ADGRG4: variants seen among roughly 807,000 people sequenced by gnomAD.
The protein encoded by ADGRG4 is adhesion G protein-coupled receptor G4.
ADGRG4 carries 122 observed loss-of-function variants against 126.2 expected under a neutral mutation model. The observed-to-expected ratio is 0.97, with a 90% CI of 0.83 to 1.12. The LOEUF (loss-of-function observed/expected upper bound fraction) is 1.12. ADGRG4 is among the 50% of genes most tolerant of loss of function. The probability of loss-of-function intolerance (pLI) is 0.00; values close to 1 mark genes in which losing one functional copy is unlikely to be tolerated. For missense variants in ADGRG4, 2,481 were observed against 2,251.8 expected (o/e 1.10, Z -2.06); for synonymous variants, 943 against 838.7 (o/e 1.12, Z -2.15).
chrX:136,329,740 G>A (rs1259055892), intron 5 of ADGRG4, among the ~76,000 whole-genome samples: 3 of 108,353 alleles, frequency 2.8e-5, no homozygotes, highest in Admixed American at 9.9e-5. Context: ...TGCAATCAGA[G>A]CTCCTCACTG....
intron 11 of ADGRG4, among the ~76,000 whole-genome samples, chrX:136,360,019 AAC>A (rs1450762109): frequency 9.0e-6 from 1 of 111,725 alleles, no homozygotes; most frequent in Admixed American, 9.5e-5. Flanking sequence ...AATGCCAGAT[AAC>A]ACACACAGGC....
chrX:136,317,499 C>CAAAAAAAAAAAAAAAAAAA (rs35736381), intron 4 of ADGRG4, among the ~76,000 whole-genome samples: 1 of 40,650 alleles, frequency 2.5e-5, no homozygotes, highest in African/African-American at 1.0e-4. Context: ...GACTCCATCT[C>CAAAAAAAAAAAAAAAAAAA]AAAAAAAAAA....
In ADGRG4 at chrX:136,350,056, C is replaced by A; in HGVS notation, c.6350C>A (p.Pro2117His). The change falls in exon 6 of 26, where the codon CCC becomes CAC. Residue 2117 changes from proline (P) to histidine (H), a missense_variant. Pro to His is a moderately conservative substitution (Grantham distance 77). Coordinates refer to ENST00000394143, the MANE Select transcript of ADGRG4 (RefSeq NM_153834.4). ...ASSRTTITAN[P>H]RTVSHPSSFS... ...TCCAGAACCACAATAACTGCCAACC[C>A]CAGGACTGTGTCTCATCCTTCATCC... 2 of 1,210,961 alleles carry A rather than the reference C, an allele frequency of 1.7e-6. No homozygotes were observed. The highest frequency in any genetic ancestry group is 2.2e-6 in the Non-Finnish European group (2 of 895,010).
chrX:136,306,901 A>G (rs1181755312), intron 3 of ADGRG4, among the ~76,000 whole-genome samples: 1 of 110,638 alleles, frequency 9.0e-6, no homozygotes, highest in African/African-American at 3.3e-5. Flanking sequence ...TTTAGTAGAG[A>G]CAGGGTTTCA....
intron 5 of ADGRG4, among the ~76,000 whole-genome samples, chrX:136,329,724 C>G: frequency 9.4e-6 from 1 of 106,749 alleles, no homozygotes; most frequent in East Asian, 2.9e-4. Context: ...GGATGTAGTG[C>G]AGTGGTGCAA....
At chrX:136,367,243 C>G (rs1474936947) in intron 13 of ADGRG4, among the ~76,000 whole-genome samples, 1 of 112,128 alleles carries the variant, frequency 8.9e-6, no homozygotes, top group Non-Finnish European at 1.9e-5. Context: ...CTTCTCAGAC[C>G]TGTTTTCCTT....
chrX:136,326,944 A>G (rs2074877009), intron 5 of ADGRG4, among the ~76,000 whole-genome samples: 1 of 110,670 alleles, frequency 9.0e-6, no homozygotes, highest in African/African-American at 3.3e-5. Flanking sequence ...TGCCTGAAAA[A>G]CATGAACCCT....
intron 13 of ADGRG4, among the ~76,000 whole-genome samples, chrX:136,370,595 GTATT>G (rs769399904): frequency 8.9e-6 from 1 of 112,037 alleles, no homozygotes; most frequent in East Asian, 2.8e-4. Flanking sequence ...ACATACTAAA[GTATT>G]TATGGATAAA....
intron 4 of ADGRG4, among the ~76,000 whole-genome samples, chrX:136,319,431 G>A (rs1200948504): frequency 8.9e-6 from 1 of 112,211 alleles, no homozygotes; most frequent in Non-Finnish European, 1.9e-5. Flanking sequence ...CTATGAGGTA[G>A]GCAGTTATTA....
At chrX:136,331,909 C>CG (rs1454007347) in intron 5 of ADGRG4, among the ~76,000 whole-genome samples, 8 of 107,420 alleles carry the variant, frequency 7.4e-5, no homozygotes, top group African/African-American at 1.7e-4. Flanking sequence ...CTCCGCCTCC[C>CG]GGGGTCACAC....
intron 12 of ADGRG4, among the ~76,000 whole-genome samples, chrX:136,362,421 G>A: frequency 9.0e-6 from 1 of 111,274 alleles, no homozygotes; most frequent in Non-Finnish European, 1.9e-5. Flanking sequence ...TAACTTAACA[G>A]TATCCCTTAC....
intron 11 of ADGRG4, among the ~76,000 whole-genome samples, chrX:136,360,518 G>A (rs1322923116): frequency 9.0e-6 from 1 of 111,096 alleles, no homozygotes; most frequent in African/African-American, 3.3e-5. Context: ...TGAGGCAGGA[G>A]GATCACTTAA....
At chrX:136,313,973 T>C (rs1388492697) in intron 4 of ADGRG4, among the ~76,000 whole-genome samples, 2 of 111,550 alleles carry the variant, frequency 1.8e-5, no homozygotes, top group African/African-American at 6.5e-5. Context: ...TTATGCAAAC[T>C]TAGGGGCTAT....
At chrX:136,396,920 C>T (rs1002747627) in intron 19 of ADGRG4, among the ~76,000 whole-genome samples, 4 of 109,474 alleles carry the variant, frequency 3.7e-5, no homozygotes, top group Non-Finnish European at 5.7e-5. Context: ...TCCCCAGTAG[C>T]TGGGATTACA....
intron 4 of ADGRG4, among the ~76,000 whole-genome samples, chrX:136,316,522 C>T (rs2074805762): frequency 8.9e-6 from 1 of 111,858 alleles, no homozygotes; most frequent in Non-Finnish European, 1.9e-5. Context: ...GGCTGGAGTA[C>T]AGTGGCGTGA....
At chrX:136,375,547 A>T (rs1427553919) in intron 15 of ADGRG4, among the ~76,000 whole-genome samples, 1 of 111,726 alleles carries the variant, frequency 9.0e-6, no homozygotes, top group Non-Finnish European at 1.9e-5. Context: ...GCCAACATCT[A>T]TTGTTTTTTG....
intron 9 of ADGRG4, 49 bp downstream of exon 9, chrX:136,356,214 A>G (rs377299269): frequency 7.9e-6 from 7 of 886,472 alleles, no homozygotes; most frequent in Non-Finnish European, 1.1e-5. Context: ...CCTATGCCTG[A>G]TTAGATGTAA....
At chrX:136,312,989 T>A (rs1338308249) in intron 4 of ADGRG4, among the ~76,000 whole-genome samples, 2 of 112,643 alleles carry the variant, frequency 1.8e-5, no homozygotes, top group Non-Finnish European at 3.7e-5. Flanking sequence ...CATCAGCAGT[T>A]CATTTATTTT....
chrX:136,326,050 C>G (rs766370668), intron 5 of ADGRG4, among the ~76,000 whole-genome samples: 4 of 112,308 alleles, frequency 3.6e-5, no homozygotes, highest in Non-Finnish European at 5.6e-5. Context: ...TCCTCTGGGT[C>G]TGACTGAATC....
Sources: allele counts gnomAD v4.1 joint callset (sites outside exome capture counted in the v4.1 genomes callset), GRCh38; gene constraint gnomAD v4.1.1; transcripts MANE v1.5; gene names NCBI Gene and HGNC (gene_info 2026-07-23, HGNC 2026-07-21).